Variants in NUDT9 observed in about 807,000 individuals in gnomAD.
The protein encoded by NUDT9 is ADP-ribose pyrophosphatase.
Under a neutral mutation model 41.0 loss-of-function variants are expected in NUDT9, and 31 were observed. The observed-to-expected ratio is 0.76, with a 90% confidence interval of 0.57 to 1.02. The LOEUF (loss-of-function observed/expected upper bound fraction) is 1.02, where lower values mean the gene tolerates loss of function less well. Among genes scored for constraint, NUDT9 ranks in the 50% least tolerant of loss-of-function variants. The pLI, the probability that NUDT9 is intolerant of heterozygous loss-of-function variation, is 0.00. For synonymous variants in NUDT9, 146 were observed against 147.6 expected (o/e 0.99, Z 0.08); for missense variants, 380 against 431.4 (o/e 0.88, Z 1.06).
At chr4:87,454,248 T>C in intron 6 of NUDT9, 123 bp from the exon 7 acceptor site, 1 of 621,538 alleles carries the variant, frequency 1.6e-6, no homozygotes, top group South Asian at 1.9e-5. Flanking sequence ...CTCAGTAGCA[T>C]TAAGTATGTT....
chr4:87,433,659 A>C (rs145511792), intron 1 of NUDT9, among the ~76,000 whole-genome samples: 1 of 152,320 alleles, frequency 6.6e-6, no homozygotes, highest in African/African-American at 2.4e-5. Context: ...CCCACTTGAG[A>C]TGTCCTAATT....
chr4:87,429,781 G>T, intron 1 of NUDT9, among the ~76,000 whole-genome samples: 2 of 127,678 alleles, frequency 1.6e-5, no homozygotes, highest in African/African-American at 6.1e-5. Flanking sequence ...TTTCCTTTTC[G>T]TTCTCCTTCC....
At chr4:87,451,500 T>C (rs1722706361) in intron 5 of NUDT9, 89 bp from the exon 6 acceptor site, 9 of 1,010,766 alleles carry the variant, frequency 8.9e-6, no homozygotes, top group South Asian at 1.6e-5. Context: ...GCAGATTGAA[T>C]AATAAATGTT....
intron 1 of NUDT9, among the ~76,000 whole-genome samples, chr4:87,425,688 G>A (rs1578063125): frequency 7.6e-6 from 1 of 131,790 alleles, no homozygotes; most frequent in South Asian, 2.4e-4. Context: ...GAGCCCCCAC[G>A]CCTGGCCAAG....
chr4:87,454,421 G>A lies in NUDT9; in HGVS notation c.840G>A (p.Met280Ile). Residue 280 changes from methionine to isoleucine, a missense_variant, in exon 7 of 8, where the codon ATG becomes ATA. Physicochemically the swap from Met to Ile is conservative, Grantham distance 10. Transcript: ENST00000302174. ...DDPRNTDNAW[M>I]ETEAVNYHDE... ...CTCGAAACACTGATAATGCATGGAT[G>A]GAGACAGAAGCTGTGAACTACCATG... 1 of 1,611,066 alleles carries A rather than the reference G, an allele frequency of 6.2e-7. No individual in the cohort carries two copies.
intron 5 of NUDT9, among the ~76,000 whole-genome samples, chr4:87,450,087 T>C (rs1722638846): frequency 6.6e-6 from 1 of 152,108 alleles, no homozygotes; most frequent in Admixed American, 6.6e-5. Flanking sequence ...GGTCTCGAAC[T>C]CCTGGCCTCA....
At chr4:87,441,697 T>C (rs1722208236) in intron 3 of NUDT9, 132 bp from the exon 4 acceptor site, 3 of 737,944 alleles carry the variant, frequency 4.1e-6, no homozygotes, top group Middle Eastern at 5.2e-4. Context: ...GCACCAGATA[T>C]GTGATAGTTC....
chr4:87,443,139 T>C (rs1228949907), intron 4 of NUDT9, among the ~76,000 whole-genome samples: 1 of 152,160 alleles, frequency 6.6e-6, no homozygotes, highest in Non-Finnish European at 1.5e-5. Context: ...GACAATGGCT[T>C]ATGACATCAT....
At chr4:87,434,882 G>A (rs1000582915) in intron 1 of NUDT9, 99 bp from the exon 2 acceptor site, 19 of 1,053,490 alleles carry the variant, frequency 1.8e-5, no homozygotes, top group Non-Finnish European at 1.6e-5. Flanking sequence ...GCCTCACAAA[G>A]TGCTGGGATT....
chr4:87,438,633 T>C (rs1259295621), intron 3 of NUDT9, among the ~76,000 whole-genome samples: 2 of 152,230 alleles, frequency 1.3e-5, no homozygotes, highest in African/African-American at 4.8e-5. Context: ...TAATTGTATC[T>C]TGGAAACAGA....
chr4:87,435,245 T>C, intron 2 of NUDT9, 25 bp downstream of exon 2: 2 of 1,586,554 alleles, frequency 1.3e-6, no homozygotes, highest in Non-Finnish European at 1.7e-6. Context: ...CAGCGTTAGC[T>C]GGGAATAAGA....
At chr4:87,457,446 A>G (rs1418266153) in intron 7 of NUDT9, among the ~76,000 whole-genome samples, 5 of 152,104 alleles carry the variant, frequency 3.3e-5, no homozygotes, top group Non-Finnish European at 7.4e-5. Context: ...CATGTTGGCC[A>G]GGCTGGTCTC....
intron 1 of NUDT9, among the ~76,000 whole-genome samples, chr4:87,428,804 C>T (rs1721546593): frequency 6.6e-6 from 1 of 152,152 alleles, no homozygotes; most frequent in Non-Finnish European, 1.5e-5. Flanking sequence ...CTGTATACCT[C>T]CTACCTCCAC....
chr4:87,447,650 C>T (rs1722520077), intron 4 of NUDT9, among the ~76,000 whole-genome samples: 1 of 151,980 alleles, frequency 6.6e-6, no homozygotes. Flanking sequence ...CTAACATTGC[C>T]TTGATACTTT....
At position 87,458,279 on chromosome 4, in the gene NUDT9, AAATTT is replaced by A. The variant is rs1480328444; in HGVS notation, c.*261_*265del. On this transcript the variant is annotated 3_prime_UTR_variant, in exon 8 of 8. Coordinates refer to ENST00000302174, the MANE Select transcript of NUDT9 (RefSeq NM_024047.5). ...ATTCGATTTAAGCATGGCTTAAATT[AAATTT>A]AAACAACTAATGCTCTTTGAAGAAT... 3 of 295,446 alleles carry A rather than the reference AAATTT, an allele frequency of 1.0e-5. No homozygotes were observed. The highest frequency in any genetic ancestry group is 1.8e-5 in the Non-Finnish European group (3 of 162,268). The allele number at this position is 295,446 out of a possible 1,614,324, so 18.3% of individuals were successfully genotyped here.
chr4:87,453,457 G>A lies in NUDT9; in HGVS notation c.790-914G>A, dbSNP rs1422530399. 5.3e-5 allele frequency among the ~76,000 whole-genome samples: 8 copies of A among 151,978 alleles called. 1 individual carries two copies. In the East Asian group the frequency reaches 1.6e-3, roughly 29 times the overall value. ...ATTTATTTATTTGTTTTGAGACAGTGTCTGGCTCTGTCACCAGGCTGGAGT... is the reference window on the plus strand; with the variant it reads ...ATTTATTTATTTGTTTTGAGACAGTATCTGGCTCTGTCACCAGGCTGGAGT... On this transcript the variant is annotated intron_variant, in intron 6 of 7. Transcript: ENST00000302174.
Position 87,458,122 on chromosome 4 carries a change from T to G in NUDT9, c.*101T>G. 1 of 1,069,148 alleles carries G rather than the reference T, an allele frequency of 9.4e-7. No individual in the cohort carries two copies. Among genetic ancestry groups the G allele is most frequent in the Non-Finnish European group, 1.2e-6 (1 of 800,464 alleles). The allele number at this position is 1,069,148 out of a possible 1,614,324, so 66.2% of individuals were successfully genotyped here. On this transcript the variant is annotated 3_prime_UTR_variant, in exon 8 of 8. Transcript: ENST00000302174. ...CTATAAAAAGGGCAGGGTAGGCCAC[T>G]TGGCCTATTTACTTTCAAAACAATT... is the stretch of plus-strand genomic sequence containing the variant.
At chr4:87,443,588 A>G (rs1282536674) in intron 4 of NUDT9, among the ~76,000 whole-genome samples, 1 of 152,196 alleles carries the variant, frequency 6.6e-6, no homozygotes. Flanking sequence ...ATCAAATAAT[A>G]TGGGTGATTC....
At chr4:87,453,163 A>T (rs1722832247) in intron 6 of NUDT9, among the ~76,000 whole-genome samples, 1 of 151,824 alleles carries the variant, frequency 6.6e-6, no homozygotes, top group African/African-American at 2.4e-5. Flanking sequence ...CAGAATTGGG[A>T]TTTAGTTATT....
Sources: allele counts gnomAD v4.1 joint callset (sites outside exome capture counted in the v4.1 genomes callset), GRCh38; gene constraint gnomAD v4.1.1; transcripts MANE v1.5; gene names NCBI Gene and HGNC (gene_info 2026-07-23, HGNC 2026-07-21).